PDE7B: variants seen among roughly 807,000 people sequenced by gnomAD.
The protein encoded by PDE7B is 3',5'-cyclic-AMP phosphodiesterase 7B.
Under a neutral mutation model 56.2 loss-of-function variants are expected in PDE7B, and 29 were observed. The ratio of observed to expected loss-of-function variants is 0.52; its 90% CI spans 0.38 to 0.70. PDE7B has a LOEUF of 0.70. Among genes scored for constraint, PDE7B ranks in the 30% least tolerant of loss-of-function variants. The pLI is 0.00. For synonymous variants in PDE7B, 197 were observed against 196.9 expected, an observed-to-expected ratio of 1.00 and a Z score of 0.00; for missense variants, 490 against 565.0, an observed-to-expected ratio of 0.87 and a Z score of 1.35.
chr6:135,952,381 CA>C (rs1774717538), intron 2 of PDE7B, among the ~76,000 whole-genome samples: 1 of 152,038 alleles, frequency 6.6e-6, no homozygotes, highest in African/African-American at 2.4e-5. Flanking sequence ...ATGGTGCCTC[CA>C]GGGTAGAACG....
intron 2 of PDE7B, among the ~76,000 whole-genome samples, chr6:136,099,667 A>G (rs1777529047): frequency 6.6e-6 from 1 of 151,964 alleles, no homozygotes; most frequent in Non-Finnish European, 1.5e-5. Context: ...TAGATTCTGG[A>G]TATTAGCCCT....
At position 136,110,063 on chromosome 6, in the gene PDE7B, T is replaced by C. The variant is rs1437388575; in HGVS notation, c.166+1249T>C. ...CTTGAGAGGCCAATAGTAGGTGGCA[T>C]GTTTGTATTTCTCCTGGCTTGTTAA... On this transcript the variant is annotated intron_variant, in intron 3 of 12. Transcript: ENST00000308191. 2.0e-5 allele frequency among the ~76,000 whole-genome samples: 3 copies of C among 152,194 alleles called. No homozygotes were observed. The South Asian group carries it at 6.2e-4, about 31-fold the overall frequency.
chr6:135,978,352 G>C (rs568179327), intron 2 of PDE7B, among the ~76,000 whole-genome samples: 19 of 151,936 alleles, frequency 1.3e-4, no homozygotes, highest in Non-Finnish European at 2.4e-4. Flanking sequence ...TGCAGGACTG[G>C]AAATTGCTGT....
intron 3 of PDE7B, among the ~76,000 whole-genome samples, chr6:136,133,543 C>T (rs1778155803): frequency 6.6e-6 from 1 of 152,154 alleles, no homozygotes; most frequent in Admixed American, 6.5e-5. Context: ...ATGGTAGCAC[C>T]TATCATGAGC....
intron 5 of PDE7B, among the ~76,000 whole-genome samples, chr6:136,150,092 C>A (rs995900274): frequency 1.3e-5 from 2 of 152,114 alleles, no homozygotes; most frequent in African/African-American, 4.8e-5. Flanking sequence ...CCCTCATAGA[C>A]ATATGAAATG....
intron 1 of PDE7B, among the ~76,000 whole-genome samples, chr6:135,877,489 G>C (rs1171393788): frequency 6.6e-6 from 1 of 151,242 alleles, no homozygotes; most frequent in Non-Finnish European, 1.5e-5. Context: ...GAAAGAAATT[G>C]GCTTGTCACT....
intron 5 of PDE7B, among the ~76,000 whole-genome samples, chr6:136,150,084 C>T (rs1778484660): frequency 6.6e-6 from 1 of 152,078 alleles, no homozygotes; most frequent in African/African-American, 2.4e-5. Flanking sequence ...AATCATGACC[C>T]TCATAGACAT....
chr6:135,975,449 A>T (rs1424401420), intron 2 of PDE7B, among the ~76,000 whole-genome samples: 2 of 152,130 alleles, frequency 1.3e-5, no homozygotes, highest in Non-Finnish European at 2.9e-5. Flanking sequence ...AGTGAGGAGC[A>T]GGTCCTTCAA....
At position 136,016,325 on chromosome 6, in the gene PDE7B, A is replaced by G. The variant is rs117129379; in HGVS notation, c.82+68801A>G. ...TTCATTCTCTTCTACCTTCTTTTCT[A>G]TGGCATTTGAATATTGTGTGTGGAC... On this transcript the variant is annotated intron_variant, in intron 2 of 12. Coordinates refer to ENST00000308191, the MANE Select transcript of PDE7B (RefSeq NM_018945.4). 5.8e-3 allele frequency among the ~76,000 whole-genome samples: 880 copies of G among 152,214 alleles called. 5 individuals are homozygous for G. The highest frequency in any genetic ancestry group is 8.3e-3 in the Non-Finnish European group (563 of 68,000).
intron 2 of PDE7B, among the ~76,000 whole-genome samples, chr6:136,040,730 C>A (rs1484896019): frequency 6.6e-6 from 1 of 152,172 alleles, no homozygotes; most frequent in African/African-American, 2.4e-5. Flanking sequence ...TTGCCTCAGT[C>A]TCCTCAATTT....
intron 2 of PDE7B, among the ~76,000 whole-genome samples, chr6:136,073,524 T>C (rs1777082628): frequency 6.6e-6 from 1 of 152,158 alleles, no homozygotes. Flanking sequence ...CCTCGGCTTG[T>C]AGATGTCACT....
chr6:136,088,282 G>C (rs1387621738), intron 2 of PDE7B, among the ~76,000 whole-genome samples: 1 of 152,214 alleles, frequency 6.6e-6, no homozygotes, highest in African/African-American at 2.4e-5. Context: ...GGCGGGCAGA[G>C]AAAGAGAAGA....
At chr6:136,140,557 T>TG (rs1325169087) in intron 3 of PDE7B, among the ~76,000 whole-genome samples, 18 of 152,192 alleles carry the variant, frequency 1.2e-4, no homozygotes, top group East Asian at 1.9e-4. Flanking sequence ...TAAATTACCT[T>TG]GGCAGTATGG....
intron 2 of PDE7B, among the ~76,000 whole-genome samples, chr6:135,985,352 G>A (rs1439203561): frequency 1.3e-5 from 2 of 152,166 alleles, no homozygotes; most frequent in East Asian, 1.9e-4. Context: ...AGGTTGGATA[G>A]GACAAGGCAA....
At chr6:136,123,829 C>T (rs1777977922) in intron 3 of PDE7B, among the ~76,000 whole-genome samples, 1 of 152,130 alleles carries the variant, frequency 6.6e-6, no homozygotes, top group African/African-American at 2.4e-5. Context: ...CCAATTAAGG[C>T]CAGTGGTACC....
Position 136,136,117 on chromosome 6 carries a change from C to G in PDE7B, c.167-11234C>G, listed in dbSNP as rs145344720. 2.0e-4 allele frequency among the ~76,000 whole-genome samples: 30 copies of G among 152,122 alleles called. No homozygotes were observed. In the East Asian group the frequency reaches 5.2e-3, roughly 27 times the overall value. ...TTTTAATTTTACAGGGATCCTGAAC[C>G]CTGAACTAGTAGAATGTGTGAAAGA... On this transcript the variant is annotated intron_variant, in intron 3 of 12. Coordinates refer to ENST00000308191, the MANE Select transcript of PDE7B (RefSeq NM_018945.4).
chr6:136,123,814 C>A (rs931672062), intron 3 of PDE7B, among the ~76,000 whole-genome samples: 1 of 152,146 alleles, frequency 6.6e-6, no homozygotes, highest in African/African-American at 2.4e-5. Flanking sequence ...TTTCCATTTG[C>A]TGAACCAATT....
At chr6:136,045,954 T>C (rs777415970) in intron 2 of PDE7B, among the ~76,000 whole-genome samples, 7 of 128,294 alleles carry the variant, frequency 5.5e-5, no homozygotes, top group Non-Finnish European at 1.1e-4. Context: ...TAAAGAAAGA[T>C]TGTCTTTCTT....
chr6:136,079,118 G>T (rs961181204), intron 2 of PDE7B, among the ~76,000 whole-genome samples: 3 of 151,974 alleles, frequency 2.0e-5, no homozygotes, highest in African/African-American at 7.2e-5. Flanking sequence ...GGTTTATCTG[G>T]GTGTAAGCCC....
Sources: gnomAD v4.1 joint callset for allele counts (sites outside exome capture counted in the v4.1 genomes callset) on GRCh38, gnomAD v4.1.1 for gene constraint, MANE v1.5 for transcripts, NCBI Gene and HGNC (gene_info 2026-07-23, HGNC 2026-07-21) for gene names.